The following NCALD variants were observed in gnomAD, a reference collection of about 807,000 sequenced individuals.
NCALD encodes neurocalcin-delta.
A neutral mutation model predicts 18.6 loss-of-function variants in NCALD; 10 were observed. The observed-to-expected ratio is 0.54, with a 90% CI of 0.33 to 0.91. NCALD has a LOEUF of 0.91. NCALD is among the 40% of genes least tolerant of loss of function. NCALD has a pLI of 0.03. For missense variants in NCALD, 184 were observed against 247.6 expected, an observed-to-expected ratio of 0.74 and a Z score of 1.72; for synonymous variants, 88 against 87.4, an observed-to-expected ratio of 1.01 and a Z score of -0.04.
At chr8:101,842,629 G>A (rs368564592) in intron 4 of NCALD, among the ~76,000 whole-genome samples, 1 of 152,232 alleles carries the variant, frequency 6.6e-6, no homozygotes, top group Non-Finnish European at 1.5e-5. Context: ...AGGGAAGGGG[G>A]CTGTGCCAGT....
chr8:101,952,411 T>C (rs535475333), intron 2 of NCALD, among the ~76,000 whole-genome samples: 1 of 152,296 alleles, frequency 6.6e-6, no homozygotes, highest in South Asian at 2.1e-4. Context: ...CTGCCATCCA[T>C]CCTTGGCTGG....
At chr8:101,696,327 G>A (rs983224141) in intron 2 of NCALD, among the ~76,000 whole-genome samples, 4 of 152,198 alleles carry the variant, frequency 2.6e-5, no homozygotes, top group African/African-American at 9.7e-5. Flanking sequence ...AGAAATACAT[G>A]TAAAACCATT....
intron 1 of NCALD, among the ~76,000 whole-genome samples, chr8:102,022,476 T>G (rs1383663213): frequency 1.3e-5 from 2 of 152,214 alleles, no homozygotes; most frequent in African/African-American, 2.4e-5. Context: ...TTGAGAACAC[T>G]GCACTATACA....
At chr8:102,082,829 G>A (rs1457124850) in intron 1 of NCALD, among the ~76,000 whole-genome samples, 1 of 152,216 alleles carries the variant, frequency 6.6e-6, no homozygotes, top group East Asian at 1.9e-4. Flanking sequence ...CAACTGTAAT[G>A]GGGCTGCAAA....
At chr8:102,003,064 A>C (rs936488463) in intron 2 of NCALD, among the ~76,000 whole-genome samples, 67 of 152,200 alleles carry the variant, frequency 4.4e-4, no homozygotes, top group African/African-American at 1.6e-3. Flanking sequence ...ACAAAAAAAA[A>C]CCTTCAAAAA....
chr8:101,856,951 C>T (rs1175928409), intron 4 of NCALD, among the ~76,000 whole-genome samples: 1 of 151,868 alleles, frequency 6.6e-6, no homozygotes, highest in Non-Finnish European at 1.5e-5. Flanking sequence ...CTCAGGTAAA[C>T]TAATTCCTTC....
rs1814519035 is a variant in NCALD, at chr8:101,687,453, G to A, written c.*1856C>T. On this transcript the variant is annotated 3_prime_UTR_variant, in exon 4 of 4. Coordinates refer to ENST00000220931, the MANE Select transcript of NCALD (RefSeq NM_032041.3). ...TGTGAGGAACTGACCCCTGGAGGAA[G>A]ACTAGGATTATTTTTACAGAGTCTA... 1.3e-5 allele frequency: 2 copies of A among 152,676 alleles called. No homozygotes were observed. Among genetic ancestry groups the A allele is most frequent in the Non-Finnish European group, 2.9e-5 (2 of 68,050 alleles). 9.5% of individuals were successfully genotyped at this position (152,676 alleles called of 1,614,324 possible).
chr8:101,821,984 G>A (rs1813742658), intron 4 of NCALD, among the ~76,000 whole-genome samples: 1 of 151,862 alleles, frequency 6.6e-6, no homozygotes, highest in South Asian at 2.1e-4. Flanking sequence ...TCCTGGCTGT[G>A]GAGATGAAGA....
At chr8:101,704,728 G>A (rs1815426766) in intron 2 of NCALD, among the ~76,000 whole-genome samples, 1 of 151,580 alleles carries the variant, frequency 6.6e-6, no homozygotes, top group Admixed American at 6.6e-5. Flanking sequence ...GACCAGCCTG[G>A]CCAACATGGT....
chr8:101,901,661 T>C (rs906906080), intron 3 of NCALD, among the ~76,000 whole-genome samples: 5 of 152,218 alleles, frequency 3.3e-5, no homozygotes, highest in Non-Finnish European at 5.9e-5. Context: ...TAAATATTTA[T>C]CTACGTACAT....
intron 2 of NCALD, among the ~76,000 whole-genome samples, chr8:101,918,118 A>G (rs938968708): frequency 2.0e-5 from 3 of 152,186 alleles, no homozygotes; most frequent in Non-Finnish European, 4.4e-5. Context: ...ACAGCACATC[A>G]AAAAGTTAAT....
At chr8:101,960,775 C>A (rs1819806125) in intron 2 of NCALD, among the ~76,000 whole-genome samples, 1 of 152,100 alleles carries the variant, frequency 6.6e-6, no homozygotes. Flanking sequence ...CCCTTTATTT[C>A]ACTTTTACCC....
chr8:101,804,291 C>CTATTATATAATTATATCAATTATA (rs2131097375), intron 4 of NCALD, among the ~76,000 whole-genome samples: 1 of 117,384 alleles, frequency 8.5e-6, no homozygotes, highest in East Asian at 2.5e-4. Context: ...CTATTTATAA[C>CTATTATATAATTATATCAATTATA]TATTATATAT....
At chr8:101,692,970 C>T (rs1814803369) in intron 2 of NCALD, 74 bp from the exon 3 acceptor site, 1 of 1,073,940 alleles carries the variant, frequency 9.3e-7, no homozygotes, top group African/African-American at 1.6e-5. Flanking sequence ...TTAAACCTCC[C>T]AAATGCGGGC....
intron 2 of NCALD, among the ~76,000 whole-genome samples, chr8:101,699,323 T>G (rs1348321594): frequency 6.6e-6 from 1 of 152,198 alleles, no homozygotes; most frequent in African/African-American, 2.4e-5. Flanking sequence ...GGAACATAAA[T>G]TAGTTCGACC....
intron 1 of NCALD, among the ~76,000 whole-genome samples, chr8:102,119,964 T>C (rs527481966): frequency 5.9e-5 from 9 of 152,348 alleles, no homozygotes; most frequent in Non-Finnish European, 1.3e-4. Flanking sequence ...ACTTAAAATT[T>C]CTTGAAGTTA....
At chr8:101,819,449 C>T (rs1813631427) in intron 4 of NCALD, among the ~76,000 whole-genome samples, 1 of 151,988 alleles carries the variant, frequency 6.6e-6, no homozygotes, top group Admixed American at 6.5e-5. Flanking sequence ...ATGACCATTA[C>T]TCCTTTACTT....
At chr8:102,036,911 C>T (rs141684822) in intron 1 of NCALD, among the ~76,000 whole-genome samples, 1,960 of 152,070 alleles carry the variant, frequency 0.013, 18 homozygotes, top group Middle Eastern at 0.024. Context: ...AAAAAAGTAA[C>T]AGAAATTTGA....
intron 4 of NCALD, among the ~76,000 whole-genome samples, chr8:101,835,723 CGT>C (rs994674590): frequency 6.6e-6 from 1 of 151,694 alleles, no homozygotes; most frequent in African/African-American, 2.4e-5. Flanking sequence ...TGTGTGCATG[CGT>C]GTGTGTGAGT....
Sources: allele counts gnomAD v4.1 joint callset (sites outside exome capture counted in the v4.1 genomes callset), GRCh38; gene constraint gnomAD v4.1.1; transcripts MANE v1.5; gene names NCBI Gene and HGNC (gene_info 2026-07-23, HGNC 2026-07-21).